AGAP1: variants seen among roughly 807,000 people sequenced by gnomAD.
AGAP1 encodes ArfGAP with GTPase domain, ankyrin repeat and PH domain 1.
A neutral mutation model predicts 105.3 loss-of-function variants in AGAP1; 29 were observed. The observed-to-expected ratio is 0.28, with a 90% CI of 0.21 to 0.38. AGAP1 has a LOEUF of 0.38. Ranked by LOEUF, AGAP1 falls within the 10% of genes least tolerant of loss-of-function variation. The pLI is 1.00. For missense variants in AGAP1, 998 were observed against 1,165.1 expected (o/e 0.86, Z 2.09); for synonymous variants, 509 against 485.9 (o/e 1.05, Z -0.63).
chr2:235,634,037 C>A (rs1210668929), intron 1 of AGAP1, among the ~76,000 whole-genome samples: 3 of 152,164 alleles, frequency 2.0e-5, no homozygotes, highest in Admixed American at 2.0e-4. Flanking sequence ...CGCAGAGTTG[C>A]AGCCTGGTGC....
chr2:235,528,306 C>T (rs946809215), intron 1 of AGAP1, among the ~76,000 whole-genome samples: 1 of 151,970 alleles, frequency 6.6e-6, no homozygotes, highest in African/African-American at 2.4e-5. Flanking sequence ...AATTCTTTCA[C>T]CCCAGCAAGC....
intron 9 of AGAP1, among the ~76,000 whole-genome samples, chr2:235,833,118 G>A (rs923241388): frequency 1.3e-5 from 2 of 152,234 alleles, no homozygotes; most frequent in African/African-American, 2.4e-5. Context: ...GCTCTGGAGG[G>A]GCACTGGCAG....
In AGAP1 at chr2:236,087,485, G is replaced by A. The variant is rs535448625; in HGVS notation, c.2115-32707G>A. 1.4e-4 allele frequency among the ~76,000 whole-genome samples: 21 copies of A among 152,184 alleles called. No individual in the cohort carries two copies. Among genetic ancestry groups the A allele is most frequent in the Non-Finnish European group, 2.4e-4 (16 of 68,010 alleles). The stretch of plus-strand genomic sequence containing the variant: ...CATCTTCCCGAGAGAGCCTGTGCCC[G>A]CCCCACAGTCCCGGCTGAAATGGCA... On this transcript the variant is annotated intron_variant, in intron 16 of 17. Transcript: ENST00000304032. This position sits in a 1 kb window ranked among gnomAD's most constrained non-coding sequence, Gnocchi z 5.7.
intron 16 of AGAP1, among the ~76,000 whole-genome samples, chr2:236,106,729 G>A (rs573716728): frequency 1.3e-5 from 2 of 152,298 alleles, no homozygotes; most frequent in Admixed American, 6.5e-5. Flanking sequence ...CGTAAGTCAC[G>A]GTGCTGGTGG....
intron 16 of AGAP1, among the ~76,000 whole-genome samples, chr2:236,103,942 G>A (rs2059422788): frequency 1.3e-5 from 2 of 152,234 alleles, no homozygotes; most frequent in Non-Finnish European, 2.9e-5. Flanking sequence ...TTTACCAAGG[G>A]CTGACCCAGG....
chr2:236,098,870 G>T (rs1031967553), intron 16 of AGAP1, among the ~76,000 whole-genome samples: 1 of 151,450 alleles, frequency 6.6e-6, no homozygotes, highest in Non-Finnish European at 1.5e-5. Context: ...TGATCTTGCC[G>T]TCTTAGCCTC....
intron 13 of AGAP1, among the ~76,000 whole-genome samples, chr2:236,034,999 G>A (rs1337808417): frequency 6.6e-6 from 1 of 152,190 alleles, no homozygotes; most frequent in African/African-American, 2.4e-5. Flanking sequence ...AAGGAGTGGG[G>A]AAAGGGTGAG....
At position 235,701,205 on chromosome 2, in the gene AGAP1, TAAG is replaced by T. The variant is rs1950244694; in HGVS notation, c.164-7970_164-7968del. ...TGGGGGGGTGGAAATCACTATCCTC[TAAG>T]AAGTTACAAACCTGCAAATCCTCTA... On this transcript the variant is annotated intron_variant, in intron 1 of 17. Coordinates refer to ENST00000304032, the MANE Select transcript of AGAP1 (RefSeq NM_001037131.3). The surrounding 1 kb of genome is among the most constrained non-coding windows in gnomAD (Gnocchi z 4.1). 6.6e-6 allele frequency among the ~76,000 whole-genome samples: 1 copy of T among 151,804 alleles called. No homozygotes were observed. Among genetic ancestry groups the T allele is most frequent in the African/African-American group, 2.4e-5 (1 of 41,296 alleles).
rs1035790064 is a variant in AGAP1 at position 235,934,896 on chromosome 2, C to G, written c.1483+3973C>G. On this transcript the variant is annotated intron_variant, in intron 12 of 17. Coordinates refer to ENST00000304032, the MANE Select transcript of AGAP1 (RefSeq NM_001037131.3). The surrounding 1 kb of genome is among the most constrained non-coding windows in gnomAD (Gnocchi z 4.9). ...ATTGGGATTCACTGTTTCTCCGCCC[C>G]CCGTCCACCCTAAATTAAGACTTTG... Among the ~76,000 whole-genome samples, 16 of 152,100 alleles carry G rather than the reference C, an allele frequency of 1.1e-4. No individual in the cohort carries two copies. The highest frequency in any genetic ancestry group is 3.9e-4 in the African/African-American group (16 of 41,420).
At chr2:236,069,063 G>T (rs1576222955) in intron 16 of AGAP1, among the ~76,000 whole-genome samples, 1 of 150,524 alleles carries the variant, frequency 6.6e-6, no homozygotes, top group South Asian at 2.1e-4. Context: ...CGAGGTGAAG[G>T]TTGCAGTGAG....
intron 1 of AGAP1, among the ~76,000 whole-genome samples, chr2:235,624,152 C>T (rs1041546192): frequency 7.9e-5 from 12 of 152,234 alleles, no homozygotes; most frequent in African/African-American, 2.7e-4. Context: ...GTTGAATGTA[C>T]AGGATGGTTC....
intron 8 of AGAP1, among the ~76,000 whole-genome samples, chr2:235,802,419 T>C (rs371856213): frequency 3.3e-5 from 5 of 152,342 alleles, no homozygotes; most frequent in South Asian, 2.1e-4. Flanking sequence ...GTTTGTTATC[T>C]TTCTCCTTAA....
In AGAP1 at chr2:235,692,845, C is replaced by T. The variant is rs912845098; in HGVS notation, c.164-16334C>T. On this transcript the variant is annotated intron_variant, in intron 1 of 17. Coordinates refer to ENST00000304032, the MANE Select transcript of AGAP1 (RefSeq NM_001037131.3). This position sits in a 1 kb window ranked among gnomAD's most constrained non-coding sequence, Gnocchi z 5.8. ...GCGGAGTCAGGGTGTGCTTGGTGTG[C>T]GTATCTCCCTTGATGTGGCACTGCC... Among the ~76,000 whole-genome samples the T allele has an allele frequency of 2.0e-5, 3 of 152,044 alleles. No individual in the cohort carries two copies. The highest frequency in any genetic ancestry group is 4.8e-5 in the African/African-American group (2 of 41,402).
chr2:236,016,978 C>T (rs1260361591), intron 13 of AGAP1, among the ~76,000 whole-genome samples: 4 of 152,042 alleles, frequency 2.6e-5, no homozygotes, highest in African/African-American at 7.2e-5. Flanking sequence ...TCATTTCATA[C>T]GGTTTTTAAT....
intron 12 of AGAP1, among the ~76,000 whole-genome samples, chr2:235,948,228 G>A (rs1356241404): frequency 6.6e-6 from 1 of 152,186 alleles, no homozygotes; most frequent in African/African-American, 2.4e-5. Flanking sequence ...TGTCATCCAG[G>A]CTGGAGTGCA....
rs910258801 is a variant in AGAP1, at chr2:235,643,199, G to A, written c.164-65980G>A. On this transcript the variant is annotated intron_variant, in intron 1 of 17. Transcript: ENST00000304032. ...TGTAATACCAGCACTTTGGGAGGCC[G>A]AGGCGGGTGGATCACGAGGTCAGGA... is the stretch of plus-strand genomic sequence containing the variant. Among the ~76,000 whole-genome samples the A allele has an allele frequency of 3.9e-5, 6 of 152,084 alleles. No homozygotes were observed. In the South Asian group the frequency reaches 1.0e-3, roughly 26 times the overall value.
chr2:235,724,154 T>A lies in AGAP1; in HGVS notation c.310+6510T>A, dbSNP rs996751267. Reference sequence around the variant, plus strand: ...AGTGATGGAATCTGGAGTTTCTGACTGATTCTTAACCAACTCAAAATTTTA... The same window carrying A: ...AGTGATGGAATCTGGAGTTTCTGACAGATTCTTAACCAACTCAAAATTTTA... On this transcript the variant is annotated intron_variant, in intron 3 of 17. Coordinates refer to ENST00000304032, the MANE Select transcript of AGAP1 (RefSeq NM_001037131.3). This position sits in a 1 kb window ranked among gnomAD's most constrained non-coding sequence, Gnocchi z 4.9. Among the ~76,000 whole-genome samples, 1 of 152,240 alleles carries A rather than the reference T, an allele frequency of 6.6e-6. No homozygotes were observed. Among genetic ancestry groups the A allele is most frequent in the Non-Finnish European group, 1.5e-5 (1 of 68,036 alleles).
At chr2:235,781,940 G>A (rs149867932) in intron 6 of AGAP1, among the ~76,000 whole-genome samples, 33 of 152,306 alleles carry the variant, frequency 2.2e-4, no homozygotes, top group African/African-American at 7.0e-4. Flanking sequence ...CATGCATCAT[G>A]GGAGCTGTGA....
chr2:235,848,908 A>C (rs1961832095), intron 9 of AGAP1, among the ~76,000 whole-genome samples: 1 of 152,082 alleles, frequency 6.6e-6, no homozygotes, highest in South Asian at 2.1e-4. Flanking sequence ...TGCCCATCTC[A>C]GTGTTAAGGG....
Sources: allele counts gnomAD v4.1 joint callset (sites outside exome capture counted in the v4.1 genomes callset), GRCh38; gene constraint gnomAD v4.1.1; non-coding constraint Gnocchi (gnomAD v3.1); transcripts MANE v1.5; gene names NCBI Gene and HGNC (gene_info 2026-07-23, HGNC 2026-07-21).